TRIM64: variants seen among roughly 807,000 people sequenced by gnomAD.
TRIM64 encodes tripartite motif containing 64.
In TRIM64, 3 loss-of-function variants were observed where a neutral mutation model predicts 10.6. That is an observed-to-expected ratio of 0.28 (90% CI 0.13 to 0.73). The LOEUF (loss-of-function observed/expected upper bound fraction) is 0.73. Ranked by LOEUF, TRIM64 falls within the 30% of genes least tolerant of loss-of-function variation. The probability of loss-of-function intolerance (pLI) is 0.71; values close to 1 mark genes in which losing one functional copy is unlikely to be tolerated. For synonymous variants in TRIM64, 8 were observed against 56.0 expected (o/e 0.14, Z 3.83); for missense variants, 29 against 152.0 (o/e 0.19, Z 4.25).
intron 4 of TRIM64, 133 bp from the exon 6 acceptor site, chr11:89,972,064 T>A: frequency 4.9e-6 from 1 of 205,166 alleles, no homozygotes; most frequent in Non-Finnish European, 8.4e-6. Flanking sequence ...GAGTGTGGAA[T>A]AAAATGTACA....
At chr11:89,971,112 A>G in intron 3 of TRIM64, 121 bp from the exon 5 acceptor site, 3 of 76,018 alleles carry the variant, frequency 3.9e-5, no homozygotes, top group Non-Finnish European at 4.7e-5. Flanking sequence ...GTAGTCTTGA[A>G]TGATTCCTTA....
chr11:89,966,846 C>T (rs1950426061), upstream of TRIM64, among the ~76,000 whole-genome samples: 1 of 34,778 alleles, frequency 2.9e-5, no homozygotes. Context: ...GAGATCGTGC[C>T]ACTGCACTCC....
chr11:89,966,610 G>T (rs1338271155), upstream of TRIM64, among the ~76,000 whole-genome samples: 1 of 45,666 alleles, frequency 2.2e-5, no homozygotes, highest in Non-Finnish European at 4.1e-5. Flanking sequence ...AATCGGCTGG[G>T]CATGATGGCT....
chr11:89,966,723 G>A (rs188346615), upstream of TRIM64, among the ~76,000 whole-genome samples: 7 of 35,496 alleles, frequency 2.0e-4, 3 homozygotes, highest in Admixed American at 5.3e-4. Context: ...AGTCCCTACT[G>A]AAAATCCAAA....
At chr11:89,968,069 C>T (rs1395424964), upstream of TRIM64, among the ~76,000 whole-genome samples, 1 of 35,438 alleles carries the variant, frequency 2.8e-5, no homozygotes, top group Non-Finnish European at 5.2e-5. Flanking sequence ...GCATGAGTAC[C>T]GCGCCCTGCC....
upstream of TRIM64, among the ~76,000 whole-genome samples, chr11:89,967,005 C>T (rs1950427000): frequency 3.0e-5 from 1 of 33,650 alleles, no homozygotes; most frequent in Non-Finnish European, 5.4e-5. Context: ...AGTCACTAAG[C>T]GAAAGGTGAA....
In TRIM64 at chr11:89,970,436, T is replaced by A. The variant is rs758458267; in HGVS notation, c.697T>A (p.Trp233Arg). 1.3e-5 allele frequency: 7 copies of A among 545,750 alleles called. 3 individuals are homozygous for A. In the South Asian group the frequency reaches 2.7e-4, roughly 21 times the overall value. 33.8% of individuals were successfully genotyped at this position (545,750 alleles called of 1,614,324 possible). Reference sequence around the variant, plus strand: ...GATGAAAGACATGTACAGAGAGCTGTGGGAGACATGCCACGTGCCTGACGT... The same window carrying A: ...GATGAAAGACATGTACAGAGAGCTGAGGGAGACATGCCACGTGCCTGACGT... Residue 233 changes from tryptophan to arginine, a missense_variant, in exon 3 of 6, where the codon TGG (tryptophan) becomes AGG (arginine). Physicochemically the swap from Trp to Arg is moderately radical, Grantham distance 101 (BLOSUM62 -3). Transcript: ENST00000533122.
upstream of TRIM64, among the ~76,000 whole-genome samples, chr11:89,967,006 G>A (rs1274819683): frequency 5.9e-5 from 2 of 33,702 alleles, no homozygotes; most frequent in Admixed American, 2.8e-4. Context: ...GTCACTAAGC[G>A]AAAGGTGAAT....
intron 5 of TRIM64, 61 bp from the exon 7 acceptor site, chr11:89,973,335 T>C: frequency 5.8e-6 from 1 of 173,390 alleles, no homozygotes; most frequent in African/African-American, 1.7e-4. Flanking sequence ...AAGTGAATAA[T>C]TGGGCCACAG....
chr11:89,968,451 TA>T, upstream of TRIM64: 1 of 201,890 alleles, frequency 5.0e-6, no homozygotes, highest in Non-Finnish European at 7.2e-6. Context: ...TCGGGGTAAA[TA>T]AAAATAAGAG....
At chr11:89,966,867 A>G (rs1351040574), upstream of TRIM64, among the ~76,000 whole-genome samples, 1 of 35,120 alleles carries the variant, frequency 2.8e-5, no homozygotes, top group Non-Finnish European at 5.2e-5. Flanking sequence ...AGCCTGCGTA[A>G]CAGAGTGAGA....
chr11:89,972,090 C>A, intron 4 of TRIM64, 107 bp from the exon 6 acceptor site: 1 of 235,972 alleles, frequency 4.2e-6, no homozygotes. Flanking sequence ...TTAACCAAAA[C>A]TGGCAGAATT....
At position 89,971,422 on chromosome 11, in the gene TRIM64, A is replaced by C. The variant is rs560413181; in HGVS notation, c.758+167A>C. 6.5e-4 allele frequency among the ~76,000 whole-genome samples: 29 copies of C among 44,456 alleles called. 13 individuals are homozygous for C. Among genetic ancestry groups the C allele is most frequent in the Admixed American group, 1.8e-3 (6 of 3,362 alleles). The allele number at this position is 44,456 out of a possible 152,430, so 29.2% of individuals were successfully genotyped here. A position where few individuals can be genotyped will look rare whatever the true frequency, so the allele number is the denominator to read the frequency against. On this transcript the variant is annotated intron_variant, in intron 4 of 5. Transcript: ENST00000533122. ...TTTGGTCTGGAAAGTTTTCATCTTA[A>C]AATTTGTATGAATTAAAATATACAT... is the stretch of plus-strand genomic sequence containing the variant.
upstream of TRIM64, among the ~76,000 whole-genome samples, chr11:89,967,706 G>C (rs1228273935): frequency 2.8e-5 from 1 of 35,532 alleles, no homozygotes; most frequent in East Asian, 6.2e-4. Context: ...ATATTCATAA[G>C]TTTCATACCC....
chr11:89,970,532 G>A, intron 3 of TRIM64, 58 bp downstream of exon 4: 1 of 217,702 alleles, frequency 4.6e-6, no homozygotes, highest in East Asian at 9.2e-5. Flanking sequence ...AGTGCTGCCA[G>A]GACATGCAAA....
At position 89,969,442 on chromosome 11, in the gene TRIM64, T is replaced by C; in HGVS notation, c.409-8T>C. Reference sequence around the variant, plus strand: ...TCATTATTGCTAAGCTTCTTGCTTCTTTTGCAGGAGAAACTTATAAAGGAA... The same window carrying C: ...TCATTATTGCTAAGCTTCTTGCTTCCTTTGCAGGAGAAACTTATAAAGGAA... On this transcript the variant is annotated splice_region_variant and splice_polypyrimidine_tract_variant and intron_variant, in intron 1 of 5. Transcript: ENST00000533122. 3.8e-6 allele frequency: 1 copy of C among 262,764 alleles called. No individual in the cohort carries two copies. The highest frequency in any genetic ancestry group is 9.1e-5 in the East Asian group (1 of 11,042). The allele number at this position is 262,764 out of a possible 1,614,324, so 16.3% of individuals were successfully genotyped here.
intron 4 of TRIM64, among the ~76,000 whole-genome samples, chr11:89,971,613 G>A (rs1305767145): frequency 2.0e-5 from 1 of 48,988 alleles, no homozygotes; most frequent in East Asian, 6.9e-4. Flanking sequence ...GGAGGAGAGA[G>A]ATTCCCTAAG....
upstream of TRIM64, among the ~76,000 whole-genome samples, chr11:89,968,002 C>T (rs1950429578): frequency 2.8e-5 from 1 of 35,546 alleles, no homozygotes; most frequent in Admixed American, 2.7e-4. Context: ...AGGATGGTCT[C>T]GATCTCCTGA....
chr11:89,973,733 T>C (rs1950443386), exon 6 of TRIM64: 1 of 432,986 alleles, frequency 2.3e-6, no homozygotes, highest in African/African-American at 1.3e-4. Context: ...TAATTCAGTA[T>C]GTGCAAAGGC....
Sources: allele counts gnomAD v4.1 joint callset (sites outside exome capture counted in the v4.1 genomes callset), GRCh38; gene constraint gnomAD v4.1.1; transcripts MANE v1.5; gene names NCBI Gene and HGNC (gene_info 2026-07-23, HGNC 2026-07-21).